Variants in SLAIN1 observed in about 807,000 individuals in gnomAD.
SLAIN1 encodes the protein SLAIN family member 1, also known as SLAIN motif-containing protein 1.
In SLAIN1, 17 loss-of-function variants were observed where a neutral mutation model predicts 55.4. The observed-to-expected ratio is 0.31, with a 90% confidence interval of 0.21 to 0.46. The LOEUF is 0.46. Among genes scored for constraint, SLAIN1 ranks in the 20% least tolerant of loss-of-function variants. SLAIN1 has a pLI of 1.00. For synonymous variants in SLAIN1, 348 were observed against 337.4 expected (o/e 1.03, Z -0.35); for missense variants, 682 against 785.1 (o/e 0.87, Z 1.57).
chr13:77,723,271 A>G (rs1403577563), intron 2 of SLAIN1, among the ~76,000 whole-genome samples: 1 of 152,142 alleles, frequency 6.6e-6, no homozygotes, highest in Non-Finnish European at 1.5e-5. Flanking sequence ...AGTCATCTTT[A>G]GCCTCTGAAG....
At chr13:77,749,975 A>G (rs1176428208) in intron 4 of SLAIN1, among the ~76,000 whole-genome samples, 1 of 152,194 alleles carries the variant, frequency 6.6e-6, no homozygotes, top group Non-Finnish European at 1.5e-5. Flanking sequence ...CCTTGATTGG[A>G]TCGTGGTTTA....
chr13:77,719,916 A>G (rs775623702), intron 2 of SLAIN1, among the ~76,000 whole-genome samples: 8 of 152,084 alleles, frequency 5.3e-5, no homozygotes, highest in Non-Finnish European at 8.8e-5. Context: ...GGAACACACA[A>G]ATTTATTTCT....
rs373021347 is a variant in SLAIN1, at chr13:77,746,498, A to G, written c.917-16A>G. ...CTAGATCAAAATACATTAGAGTACT[A>G]TTTGTTATTTTATAGGTCTCAGGCA... On this transcript the variant is annotated splice_polypyrimidine_tract_variant and intron_variant, in intron 3 of 6. Coordinates refer to ENST00000418532, the MANE Select transcript of SLAIN1 (RefSeq NM_001242868.2). 8.2e-6 allele frequency: 13 copies of G among 1,576,834 alleles called. No individual in the cohort carries two copies. Among genetic ancestry groups the G allele is most frequent in the East Asian group, 2.3e-5 (1 of 44,334 alleles).
chr13:77,703,586 G>A (rs1482930616), intron 1 of SLAIN1, among the ~76,000 whole-genome samples: 1 of 152,004 alleles, frequency 6.6e-6, no homozygotes, highest in Non-Finnish European at 1.5e-5. Context: ...AACTGGGCGA[G>A]GCAGGGTTGG....
chr13:77,728,577 T>G (rs2091329304), intron 2 of SLAIN1, among the ~76,000 whole-genome samples: 1 of 152,202 alleles, frequency 6.6e-6, no homozygotes, highest in Non-Finnish European at 1.5e-5. Flanking sequence ...GAATAGAAAT[T>G]ACCCCATTCA....
At chr13:77,722,850 G>A (rs984960630) in intron 2 of SLAIN1, among the ~76,000 whole-genome samples, 7 of 152,090 alleles carry the variant, frequency 4.6e-5, no homozygotes, top group Admixed American at 3.9e-4. Context: ...GGGTTCAAGG[G>A]ATTCTCTGGC....
In SLAIN1 at chr13:77,743,242, T is replaced by C; in HGVS notation, c.767-1041T>C. 3 of 1,134,214 alleles carry C rather than the reference T, an allele frequency of 2.6e-6. No homozygotes were observed. The South Asian group carries it at 4.3e-5, about 16-fold the overall frequency. The allele number at this position is 1,134,214 out of a possible 1,614,324, so 70.3% of individuals were successfully genotyped here. ...ACACGGCTTAAATATTCATCTTTCA[T>C]TTGAAAAGCTTGAGAATAATCTTAA... On this transcript the variant is annotated intron_variant, in intron 2 of 6. Coordinates refer to ENST00000418532, the MANE Select transcript of SLAIN1 (RefSeq NM_001242868.2).
chr13:77,726,835 GTTAC>G (rs2091312238), intron 2 of SLAIN1, among the ~76,000 whole-genome samples: 2 of 152,136 alleles, frequency 1.3e-5, no homozygotes, highest in Admixed American at 1.3e-4. Flanking sequence ...GCACAGTCAA[GTTAC>G]TTAAGTTTTC....
intron 1 of SLAIN1, among the ~76,000 whole-genome samples, chr13:77,699,580 A>G (rs1423230941): frequency 6.6e-6 from 1 of 152,172 alleles, no homozygotes; most frequent in Non-Finnish European, 1.5e-5. Flanking sequence ...GGATTGGGAA[A>G]TGGAGATCCT....
rs577503734 is a variant in SLAIN1 at position 77,736,086 on chromosome 13, T to G, written c.767-8197T>G. Among the ~76,000 whole-genome samples the G allele has an allele frequency of 3.3e-5, 5 of 152,066 alleles. No homozygotes were observed. In the South Asian group the frequency reaches 8.3e-4, roughly 25 times the overall value. ...AACATTTTCAATCTCAGCTCTTGTG[T>G]TGAGATTAGAATTGTTCCAGAGATA... On this transcript the variant is annotated intron_variant, in intron 2 of 6. Coordinates refer to ENST00000418532, the MANE Select transcript of SLAIN1 (RefSeq NM_001242868.2).
At chr13:77,703,398 G>GT (rs537067741) in intron 1 of SLAIN1, among the ~76,000 whole-genome samples, 4 of 152,050 alleles carry the variant, frequency 2.6e-5, no homozygotes, top group Admixed American at 6.6e-5. Context: ...CACCTAAACT[G>GT]TTTTTTGCAT....
At chr13:77,733,113 C>G (rs540874693) in intron 2 of SLAIN1, among the ~76,000 whole-genome samples, 1 of 152,118 alleles carries the variant, frequency 6.6e-6, no homozygotes, top group Non-Finnish European at 1.5e-5. Context: ...TTATAAAACT[C>G]TGATTTCCGT....
intron 2 of SLAIN1, among the ~76,000 whole-genome samples, chr13:77,738,142 C>G (rs1238361453): frequency 2.6e-5 from 4 of 151,828 alleles, no homozygotes; most frequent in Admixed American, 1.3e-4. Flanking sequence ...AGGAATGACT[C>G]TAGATGTTGT....
chr13:77,709,430 G>A (rs1054194754), intron 1 of SLAIN1, among the ~76,000 whole-genome samples: 2 of 152,056 alleles, frequency 1.3e-5, no homozygotes, highest in East Asian at 3.9e-4. Flanking sequence ...GATACTCCTC[G>A]AGAAGAACAA....
Position 77,763,427 on chromosome 13 carries a change from A to G in SLAIN1, c.*207A>G. ...GAGATACTGCAACATTCTCAAACCC[A>G]TGGTTGCAGTATTGTGACACTTAGA... On this transcript the variant is annotated 3_prime_UTR_variant, in exon 7 of 7. Transcript: ENST00000418532. 1.8e-6 allele frequency: 1 copy of G among 560,352 alleles called. No individual in the cohort carries two copies. Among genetic ancestry groups the G allele is most frequent in the Non-Finnish European group, 3.2e-6 (1 of 316,002 alleles). The allele number at this position is 560,352 out of a possible 1,614,324, so 34.7% of individuals were successfully genotyped here.
At chr13:77,707,487 G>A (rs769717963) in intron 1 of SLAIN1, among the ~76,000 whole-genome samples, 13 of 152,080 alleles carry the variant, frequency 8.5e-5, no homozygotes, top group Middle Eastern at 3.4e-3. Flanking sequence ...TTTAGTCTCA[G>A]TGTTTCATGT....
rs143582933 is a variant in SLAIN1 at position 77,733,110 on chromosome 13, A to G, written c.767-11173A>G. The stretch of plus-strand genomic sequence containing the variant: ...ACTTAGTGTCAAGAATAATTATAAA[A>G]CTCTGATTTCCGTGGAATAAATGTT... On this transcript the variant is annotated intron_variant, in intron 2 of 6. Coordinates refer to ENST00000418532, the MANE Select transcript of SLAIN1 (RefSeq NM_001242868.2). 1.2e-3 allele frequency among the ~76,000 whole-genome samples: 184 copies of G among 152,128 alleles called. 1 individual carries two copies. Among genetic ancestry groups the G allele is most frequent in the African/African-American group, 4.1e-3 (172 of 41,508 alleles).
chr13:77,749,975 A>T (rs1176428208), intron 4 of SLAIN1, among the ~76,000 whole-genome samples: 1 of 152,194 alleles, frequency 6.6e-6, no homozygotes, highest in African/African-American at 2.4e-5. Context: ...CCTTGATTGG[A>T]TCGTGGTTTA....
rs879568125 is a variant in SLAIN1, at chr13:77,761,730, A to AT, written c.1697+632dup. Among the ~76,000 whole-genome samples, 144 of 147,546 alleles carry AT rather than the reference A, an allele frequency of 9.8e-4. 2 individuals are homozygous for AT. Among genetic ancestry groups the AT allele is most frequent in the East Asian group, 2.4e-3 (12 of 5,092 alleles). On this transcript the variant is annotated intron_variant, in intron 6 of 6. Transcript: ENST00000418532. ...TAAGTTCAGTATGGTCCAGGTAGTA[A>AT]TTTTTTTTTTTTCCCTTCAAAGTTT...
Sources: allele counts gnomAD v4.1 joint callset (sites outside exome capture counted in the v4.1 genomes callset), GRCh38; gene constraint gnomAD v4.1.1; transcripts MANE v1.5; gene names NCBI Gene and HGNC (gene_info 2026-07-23, HGNC 2026-07-21).